Variants in SOX5 observed in about 807,000 individuals in gnomAD.
SOX5 encodes SRY-box transcription factor 5.
SOX5 carries 9 observed loss-of-function variants against 92.0 expected under a neutral mutation model. The observed-to-expected ratio is 0.10, with a 90% CI of 0.06 to 0.17. The LOEUF (loss-of-function observed/expected upper bound fraction) is 0.17, where lower values mean the gene tolerates loss of function less well. SOX5 is among the 10% of genes least tolerant of loss of function. The pLI, the probability that SOX5 is intolerant of heterozygous loss-of-function variation, is 1.00. For missense variants in SOX5, 642 were observed against 944.5 expected, an observed-to-expected ratio of 0.68 and a Z score of 4.20; for synonymous variants, 344 against 336.3, an observed-to-expected ratio of 1.02 and a Z score of -0.25.
intron 6 of SOX5, among the ~76,000 whole-genome samples, chr12:23,729,613 C>T (rs2093313253): frequency 6.6e-6 from 1 of 152,082 alleles, no homozygotes; most frequent in Admixed American, 6.6e-5. Flanking sequence ...TTATTAAATA[C>T]TAATTCTTTG....
rs912971418 is a variant in SOX5 at position 23,971,658 on chromosome 12, A to T, written c.-1-75634T>A. Reference sequence around the variant, plus strand: ...AAATATGTATATATCATAGTTATTTAAAAAATAATTATTTTGAAGAGAATA... The same window carrying T: ...AAATATGTATATATCATAGTTATTTTAAAAATAATTATTTTGAAGAGAATA... On this transcript the variant is annotated intron_variant, in intron 4 of 4. Coordinates refer to the SOX5 transcript ENST00000446891. Among the ~76,000 whole-genome samples the T allele has an allele frequency of 3.2e-4, 48 of 152,042 alleles. No homozygotes were observed. In the Middle Eastern group the frequency reaches 0.01, roughly 33 times the overall value.
intron 2 of SOX5, among the ~76,000 whole-genome samples, chr12:23,876,763 G>A (rs2096931867): frequency 6.6e-6 from 1 of 152,184 alleles, no homozygotes; most frequent in Non-Finnish European, 1.5e-5. Context: ...ATCAGTGATA[G>A]ACTGGATAAA....
At chr12:24,487,903 G>A (rs113693590) in intron 1 of SOX5, among the ~76,000 whole-genome samples, 5 of 151,900 alleles carry the variant, frequency 3.3e-5, no homozygotes, top group African/African-American at 1.2e-4. Flanking sequence ...TTCAGACAAC[G>A]CAAGGATTCA....
chr12:24,278,013 C>T (rs954877565), intron 2 of SOX5, among the ~76,000 whole-genome samples: 39 of 152,050 alleles, frequency 2.6e-4, no homozygotes, highest in African/African-American at 9.4e-4. Context: ...GAACAAAAAT[C>T]GGCCCTGACA....
intron 4 of SOX5, among the ~76,000 whole-genome samples, chr12:24,194,676 T>C (rs1427678372): frequency 6.6e-6 from 1 of 152,148 alleles, no homozygotes; most frequent in African/African-American, 2.4e-5. Flanking sequence ...CTGTTAAAGG[T>C]TTCCCACCTA....
At chr12:23,913,347 CTTTTT>C (rs1235238316) in intron 1 of SOX5, among the ~76,000 whole-genome samples, 3 of 151,584 alleles carry the variant, frequency 2.0e-5, no homozygotes, top group Non-Finnish European at 4.4e-5. Flanking sequence ...TTTTTCTTTT[CTTTTT>C]TTAAGTTCTT....
At chr12:23,601,715 A>G (rs2074516540) in intron 9 of SOX5, among the ~76,000 whole-genome samples, 1 of 152,138 alleles carries the variant, frequency 6.6e-6, no homozygotes, top group African/African-American at 2.4e-5. Context: ...CAAGAAAGTA[A>G]ATTCATGTAT....
intron 3 of SOX5, among the ~76,000 whole-genome samples, chr12:23,841,407 A>C (rs2096513454): frequency 6.6e-6 from 1 of 152,088 alleles, no homozygotes; most frequent in African/African-American, 2.4e-5. Context: ...AGTTTCTCCC[A>C]AGGCTAAAAT....
At chr12:23,570,933 ATATATAT>A (rs1948216567) in intron 10 of SOX5, among the ~76,000 whole-genome samples, 30 of 8,204 alleles carry the variant, frequency 3.7e-3, no homozygotes, top group Middle Eastern at 0.083. Context: ...AAAAAAAAAT[ATATATAT>A]ATATATATAT....
intron 2 of SOX5, among the ~76,000 whole-genome samples, chr12:24,362,341 T>A (rs531054347): frequency 3.9e-5 from 6 of 152,300 alleles, no homozygotes; most frequent in Admixed American, 3.9e-4. Flanking sequence ...CATCATCTTT[T>A]CACTTGGGGA....
At chr12:24,479,574 C>T (rs920779308) in intron 1 of SOX5, among the ~76,000 whole-genome samples, 2 of 152,128 alleles carry the variant, frequency 1.3e-5, no homozygotes, top group South Asian at 2.1e-4. Context: ...AGACAATACT[C>T]GCACATATTA....
rs1248874163 is a variant in SOX5, at chr12:23,979,934, CAGATAGATAGAT to C, written c.-1-83922_-1-83911del. 2.8e-3 allele frequency among the ~76,000 whole-genome samples: 332 copies of C among 116,944 alleles called. 2 individuals carry two copies. The highest frequency in any genetic ancestry group is 0.014 in the South Asian group (49 of 3,510). 76.7% of individuals were successfully genotyped at this position (116,944 alleles called of 152,430 possible). ...CTGGCCAGACAGACAGACAGACAGA[CAGATAGATAGAT>C]AGATAGACAGACAGACAGATAGATA... On this transcript the variant is annotated intron_variant, in intron 4 of 4. Transcript: ENST00000446891.
rs181305686 is a variant in SOX5, at chr12:23,876,389, T to C, written c.270+19404A>G. On this transcript the variant is annotated intron_variant, in intron 2 of 14. Transcript: ENST00000451604. The stretch of plus-strand genomic sequence containing the variant: ...ACATATGAAAAAAAGCTCATCATTA[T>C]TGGTTATTAGAGAAATGCAAATCAA... Among the ~76,000 whole-genome samples the C allele has an allele frequency of 5.0e-3, 764 of 152,282 alleles. 3 individuals carry two copies. The highest frequency in any genetic ancestry group is 0.016 in the South Asian group (77 of 4,826).
chr12:23,671,709 T>A (rs1476619598), intron 6 of SOX5, among the ~76,000 whole-genome samples: 1 of 152,178 alleles, frequency 6.6e-6, no homozygotes, highest in Admixed American at 6.6e-5. Flanking sequence ...TATCTTCCAA[T>A]TAATCTACTA....
At chr12:24,279,211 T>C in intron 2 of SOX5, among the ~76,000 whole-genome samples, 1 of 152,104 alleles carries the variant, frequency 6.6e-6, no homozygotes, top group Non-Finnish European at 1.5e-5. Context: ...TGGCAAAAGA[T>C]TGGAAATATA....
Position 24,093,189 on chromosome 12 carries a change from T to A in SOX5, c.-2+120154A>T, listed in dbSNP as rs1332744032. ...CAATACTTTGTCACTACGGGTGCCC[T>A]ATCAGTCAAAATGTCACTGAATTGG... On this transcript the variant is annotated intron_variant, in intron 4 of 4. Transcript: ENST00000446891. Among the ~76,000 whole-genome samples the A allele has an allele frequency of 3.3e-5, 5 of 152,156 alleles. No individual in the cohort carries two copies. In the East Asian group the frequency reaches 9.6e-4, roughly 29 times the overall value.
intron 1 of SOX5, among the ~76,000 whole-genome samples, chr12:24,506,790 T>TTTTC (rs1320408844): frequency 7.8e-6 from 1 of 128,990 alleles, no homozygotes; most frequent in East Asian, 2.3e-4. Context: ...TGGTCTTTTT[T>TTTTC]TTTTTTTTTT....
chr12:23,770,938 T>C (rs1168054563), intron 3 of SOX5, among the ~76,000 whole-genome samples: 1 of 152,138 alleles, frequency 6.6e-6, no homozygotes, highest in Non-Finnish European at 1.5e-5. Context: ...TTTATAAACA[T>C]GCTATATCTT....
chr12:24,208,979 TGAG>T (rs1958306776), intron 4 of SOX5, among the ~76,000 whole-genome samples: 1 of 152,112 alleles, frequency 6.6e-6, no homozygotes, highest in African/African-American at 2.4e-5. Flanking sequence ...TGTAGAGGAT[TGAG>T]GAGGAGAAAA....
Sources: allele counts gnomAD v4.1 joint callset (sites outside exome capture counted in the v4.1 genomes callset), GRCh38; gene constraint gnomAD v4.1.1; transcripts MANE v1.5; gene names NCBI Gene and HGNC (gene_info 2026-07-23, HGNC 2026-07-21).